Variants in LRBA observed in about 807,000 individuals in gnomAD.
LRBA encodes LPS responsive beige-like anchor protein, also known as lipopolysaccharide-responsive and beige-like anchor protein.
A neutral mutation model predicts 330.0 loss-of-function variants in LRBA; 176 were observed. The ratio of observed to expected loss-of-function variants is 0.53; its 90% confidence interval spans 0.47 to 0.60. The LOEUF (loss-of-function observed/expected upper bound fraction) is 0.60, where lower values mean the gene tolerates loss of function less well. Among genes scored for constraint, LRBA ranks in the 20% least tolerant of loss-of-function variants. The pLI is 0.00. For synonymous variants in LRBA, 1,230 were observed against 1,193.0 expected, an observed-to-expected ratio of 1.03 and a Z score of -0.64; for missense variants, 3,259 against 3,444.8, an observed-to-expected ratio of 0.95 and a Z score of 1.35.
intron 35 of LRBA, among the ~76,000 whole-genome samples, chr4:150,761,301 A>C (rs940787577): frequency 6.6e-6 from 1 of 151,712 alleles, no homozygotes; most frequent in African/African-American, 2.4e-5. Context: ...TCTTTCCTTG[A>C]ATTCTTCTGT....
In LRBA at chr4:151,006,117, G is replaced by A. The variant is rs561880737; in HGVS notation, c.216+8310C>T. ...AGCACTGCAGGAGGCCAAGGCAGGC[G>A]GATCACCTAAGGTCAGGAGTTCGGG... On this transcript the variant is annotated intron_variant, in intron 2 of 56. Transcript: ENST00000651943. Among the ~76,000 whole-genome samples, 14 of 152,246 alleles carry A rather than the reference G, an allele frequency of 9.2e-5. No homozygotes were observed. The East Asian group carries it at 1.9e-3, about 21-fold the overall frequency.
chr4:150,997,061 T>C (rs1742736351), intron 2 of LRBA, among the ~76,000 whole-genome samples: 1 of 152,186 alleles, frequency 6.6e-6, no homozygotes, highest in Admixed American at 6.5e-5. Context: ...TTTATTTTAA[T>C]TTAAGTTCAG....
At chr4:150,392,685 A>T (rs763191916) in intron 47 of LRBA, among the ~76,000 whole-genome samples, 1 of 152,070 alleles carries the variant, frequency 6.6e-6, no homozygotes, top group Non-Finnish European at 1.5e-5. Flanking sequence ...TTATATCCTG[A>T]GAATTTGCTG....
At chr4:150,445,377 C>CTCTCTCTATATA (rs1454079183) in intron 44 of LRBA, among the ~76,000 whole-genome samples, 3 of 78,602 alleles carry the variant, frequency 3.8e-5, no homozygotes, top group South Asian at 5.4e-4. Flanking sequence ...CTCTCTCTCT[C>CTCTCTCTATATA]TATATATATA....
rs940241096 is a variant in LRBA, at chr4:150,641,788, T to C, written c.5921+41763A>G. ...TGGCAAACATTAGTGTCAATTTAAG[T>C]AAACTCTAAAGGGTTATGAGGTCAA... On this transcript the variant is annotated intron_variant, in intron 37 of 56. Transcript: ENST00000651943. Among the ~76,000 whole-genome samples, 10 of 152,160 alleles carry C rather than the reference T, an allele frequency of 6.6e-5. No individual in the cohort carries two copies. The East Asian group carries it at 1.9e-3, about 29-fold the overall frequency.
At chr4:150,306,444 T>C (rs781310016) in intron 52 of LRBA, among the ~76,000 whole-genome samples, 1 of 152,192 alleles carries the variant, frequency 6.6e-6, no homozygotes, top group Non-Finnish European at 1.5e-5. Flanking sequence ...ATATTTACCT[T>C]AACTGAAATT....
intron 40 of LRBA, among the ~76,000 whole-genome samples, chr4:150,533,202 T>G (rs1764237553): frequency 6.6e-6 from 1 of 152,172 alleles, no homozygotes; most frequent in East Asian, 1.9e-4. Flanking sequence ...TTAATTTTTT[T>G]GAGACAGGGT....
chr4:150,629,938 C>A (rs1313442641), intron 37 of LRBA, among the ~76,000 whole-genome samples: 1 of 152,126 alleles, frequency 6.6e-6, no homozygotes, highest in Non-Finnish European at 1.5e-5. Context: ...ACATTGCACT[C>A]CAGCCAGGGC....
At chr4:150,790,306 T>A (rs1739710654) in intron 34 of LRBA, among the ~76,000 whole-genome samples, 1 of 152,188 alleles carries the variant, frequency 6.6e-6, no homozygotes, top group Non-Finnish European at 1.5e-5. Flanking sequence ...TGCTGGTGAA[T>A]CCATAGGACG....
chr4:150,339,676 T>C (rs1437486213), intron 48 of LRBA, among the ~76,000 whole-genome samples: 3 of 152,128 alleles, frequency 2.0e-5, no homozygotes, highest in African/African-American at 7.2e-5. Flanking sequence ...ATTTTATATG[T>C]TCCATAACAT....
intron 37 of LRBA, among the ~76,000 whole-genome samples, chr4:150,632,585 A>C (rs1777498333): frequency 6.6e-6 from 1 of 152,124 alleles, no homozygotes. Flanking sequence ...GCTCCCAAAA[A>C]CATTATTCAA....
intron 51 of LRBA, among the ~76,000 whole-genome samples, chr4:150,314,097 A>G (rs963002409): frequency 6.6e-6 from 1 of 152,046 alleles, no homozygotes; most frequent in African/African-American, 2.4e-5. Flanking sequence ...AAGTTTACCC[A>G]TGCTTACCCT....
intron 9 of LRBA, among the ~76,000 whole-genome samples, chr4:150,910,761 AT>A (rs1731901109): frequency 1.3e-5 from 2 of 150,140 alleles, no homozygotes; most frequent in Admixed American, 6.6e-5. Context: ...TTTAGGTAGT[AT>A]GGATTTTTAG....
At chr4:150,301,091 G>C (rs1244587401) in intron 53 of LRBA, among the ~76,000 whole-genome samples, 3 of 151,964 alleles carry the variant, frequency 2.0e-5, no homozygotes, top group Non-Finnish European at 4.4e-5. Context: ...GTTTGCCTGA[G>C]ATAATTGAGT....
intron 31 of LRBA, among the ~76,000 whole-genome samples, chr4:150,810,871 G>A (rs1198479970): frequency 6.6e-6 from 1 of 152,218 alleles, no homozygotes; most frequent in Non-Finnish European, 1.5e-5. Context: ...CAAAGTGCGA[G>A]GGTTATAGGT....
chr4:150,433,400 T>C (rs943055279), intron 46 of LRBA, among the ~76,000 whole-genome samples: 2 of 152,144 alleles, frequency 1.3e-5, no homozygotes, highest in Non-Finnish European at 2.9e-5. Flanking sequence ...GCATCTATCA[T>C]ATGTACCTCC....
intron 2 of LRBA, among the ~76,000 whole-genome samples, chr4:150,982,086 T>C (rs987787998): frequency 6.6e-6 from 1 of 152,024 alleles, no homozygotes; most frequent in African/African-American, 2.4e-5. Context: ...AAATAATAAA[T>C]GTACAGGCCA....
chr4:150,737,698 G>T (rs887600329), intron 35 of LRBA, among the ~76,000 whole-genome samples: 2 of 152,004 alleles, frequency 1.3e-5, no homozygotes, highest in African/African-American at 4.8e-5. Context: ...GCTCCCAAAA[G>T]AATTTAGCTT....
intron 47 of LRBA, among the ~76,000 whole-genome samples, chr4:150,387,769 T>C (rs1743307431): frequency 6.6e-6 from 1 of 152,032 alleles, no homozygotes; most frequent in East Asian, 1.9e-4. Flanking sequence ...TGAGCAAAAA[T>C]TATTTGGAAG....
Sources: gnomAD v4.1 joint callset for allele counts (sites outside exome capture counted in the v4.1 genomes callset) on GRCh38, gnomAD v4.1.1 for gene constraint, MANE v1.5 for transcripts, NCBI Gene and HGNC (gene_info 2026-07-23, HGNC 2026-07-21) for gene names.